Variants in POC1B observed in about 807,000 individuals in gnomAD.
The protein encoded by POC1B is POC1 centriolar protein homolog B.
A neutral mutation model predicts 60.6 loss-of-function variants in POC1B; 44 were observed. The ratio of observed to expected loss-of-function variants is 0.73; its 90% confidence interval spans 0.57 to 0.93. The LOEUF (loss-of-function observed/expected upper bound fraction) is 0.93. Ranked by LOEUF, POC1B falls within the 40% of genes least tolerant of loss-of-function variation. The pLI is 0.00. For missense variants in POC1B, 555 were observed against 572.3 expected (o/e 0.97, Z 0.31); for synonymous variants, 180 against 198.9 (o/e 0.90, Z 0.80).
At position 89,420,436 on chromosome 12, in the gene POC1B, C is replaced by G. The variant is rs1434575322; in HGVS notation, c.*717G>C. ...TTTGTGAACCATGATCAGATACAAC[C>G]CAAATCATTCATCTAGCACATTCAT... On this transcript the variant is annotated 3_prime_UTR_variant, in exon 12 of 12. Coordinates refer to ENST00000313546, the MANE Select transcript of POC1B (RefSeq NM_172240.3). 6.6e-6 allele frequency: 1 copy of G among 152,106 alleles called. No individual in the cohort carries two copies. The highest frequency in any genetic ancestry group is 2.4e-5 in the African/African-American group (1 of 41,412). The allele number at this position is 152,106 out of a possible 1,614,324, so 9.4% of individuals were successfully genotyped here.
intron 4 of POC1B, among the ~76,000 whole-genome samples, chr12:89,474,073 G>A (rs1349585754): frequency 1.3e-5 from 2 of 152,034 alleles, no homozygotes; most frequent in African/African-American, 4.8e-5. Flanking sequence ...GGGCATGGTG[G>A]CAGGTGCCTG....
At chr12:89,500,004 G>A (rs561135898) in intron 2 of POC1B, 101 of 887,954 alleles carry the variant, frequency 1.1e-4, no homozygotes, top group Non-Finnish European at 1.6e-4. Flanking sequence ...CTGGTAGTCC[G>A]GCGATTCATT....
intron 10 of POC1B, among the ~76,000 whole-genome samples, chr12:89,435,410 A>T (rs1481257859): frequency 1.3e-5 from 2 of 152,152 alleles, no homozygotes; most frequent in East Asian, 3.9e-4. Context: ...CAAACTCCTG[A>T]CCTAAGGTGA....
chr12:89,432,025 G>A (rs751519175), intron 10 of POC1B, among the ~76,000 whole-genome samples: 14 of 151,888 alleles, frequency 9.2e-5, no homozygotes, highest in Non-Finnish European at 1.8e-4. Context: ...CCCTCTTTCC[G>A]TATAAGGACC....
At chr12:89,506,467 GAAGAGGTTGAGGACACTT>G (rs1297382821) in intron 2 of POC1B, among the ~76,000 whole-genome samples, 1 of 152,182 alleles carries the variant, frequency 6.6e-6, no homozygotes, top group Non-Finnish European at 1.5e-5. Flanking sequence ...TACAGATAAA[GAAGAGGTTGAGGACACTT>G]AACGTTCAGA....
chr12:89,524,370 A>G, intron 2 of POC1B: 1 of 1,614,040 alleles, frequency 6.2e-7, no homozygotes, highest in African/African-American at 1.3e-5. Context: ...AAAGCGGTCG[A>G]GACAAATCCT....
chr12:89,499,524 A>T (rs987050648), intron 2 of POC1B, among the ~76,000 whole-genome samples: 1 of 152,158 alleles, frequency 6.6e-6, no homozygotes, highest in East Asian at 1.9e-4. Flanking sequence ...TTGAAAGAAA[A>T]AAAAAACCTG....
intron 10 of POC1B, among the ~76,000 whole-genome samples, chr12:89,442,035 T>C (rs571168511): frequency 1.1e-4 from 16 of 152,004 alleles, no homozygotes; most frequent in African/African-American, 3.1e-4. Flanking sequence ...ATGAATGAAA[T>C]GAAGCGAGAA....
rs148775641 is a variant in POC1B, at chr12:89,425,002, A to C, written c.1332+159T>G. Among the ~76,000 whole-genome samples, 544 of 152,222 alleles carry C rather than the reference A, an allele frequency of 3.6e-3. 2 individuals are homozygous for C. Among genetic ancestry groups the C allele is most frequent in the African/African-American group, 0.012 (510 of 41,544 alleles). ...ACACAAATGCATAGGCTCTGAGCTTATCTCTACAAGATCTTGTTTAGGGCA... is the reference window on the plus strand; with the variant it reads ...ACACAAATGCATAGGCTCTGAGCTTCTCTCTACAAGATCTTGTTTAGGGCA... On this transcript the variant is annotated intron_variant, in intron 11 of 11. Coordinates refer to ENST00000313546, the MANE Select transcript of POC1B (RefSeq NM_172240.3).
At chr12:89,451,479 T>C (rs959358224) in intron 10 of POC1B, among the ~76,000 whole-genome samples, 1 of 145,874 alleles carries the variant, frequency 6.9e-6, no homozygotes, top group African/African-American at 2.6e-5. Context: ...AAGTGATGAG[T>C]TGGTTGGTTG....
chr12:89,474,564 A>C (rs1270204355), intron 4 of POC1B, among the ~76,000 whole-genome samples: 1 of 152,192 alleles, frequency 6.6e-6, no homozygotes, highest in East Asian at 1.9e-4. Flanking sequence ...CCAGTAAAAC[A>C]GGTGCTACTG....
intron 4 of POC1B, among the ~76,000 whole-genome samples, chr12:89,475,498 A>T (rs989634471): frequency 4.6e-5 from 7 of 152,084 alleles, no homozygotes; most frequent in Admixed American, 2.0e-4. Flanking sequence ...TGAAAGTGAG[A>T]ATGATGATTT....
chr12:89,502,097 C>T (rs1006676735), intron 2 of POC1B: 9 of 1,138,820 alleles, frequency 7.9e-6, no homozygotes, highest in Admixed American at 3.4e-5. Flanking sequence ...ACATGTAATA[C>T]ACCAACAGAG....
chr12:89,518,764 G>A (rs1384170214), intron 2 of POC1B, among the ~76,000 whole-genome samples: 6 of 152,148 alleles, frequency 3.9e-5, no homozygotes, highest in Non-Finnish European at 8.8e-5. Context: ...AACACAGAGA[G>A]ATGAAGTGAT....
intron 10 of POC1B, 95 bp downstream of exon 10, chr12:89,459,543 A>C: frequency 1.5e-6 from 1 of 658,752 alleles, no homozygotes; most frequent in Non-Finnish European, 2.3e-6. Flanking sequence ...GCCACGTTTT[A>C]TCTCCTCCCC....
At chr12:89,499,013 C>T (rs971298412) in intron 2 of POC1B, among the ~76,000 whole-genome samples, 5 of 152,036 alleles carry the variant, frequency 3.3e-5, no homozygotes, top group African/African-American at 7.2e-5. Context: ...AAATAGGGAG[C>T]GATCCTGGCT....
chr12:89,495,898 A>T (rs1869222366), intron 3 of POC1B, among the ~76,000 whole-genome samples: 1 of 151,956 alleles, frequency 6.6e-6, no homozygotes, highest in South Asian at 2.1e-4. Context: ...AGTAGCTGGG[A>T]TTACAGGTGC....
chr12:89,501,264 G>T (rs1592631509), intron 2 of POC1B: 1 of 1,134,024 alleles, frequency 8.8e-7, no homozygotes, highest in East Asian at 2.3e-5. Flanking sequence ...GTTATGCTTT[G>T]ACAGGTGAAA....
At chr12:89,509,438 T>C (rs56271586) in intron 2 of POC1B, among the ~76,000 whole-genome samples, 12,130 of 152,174 alleles carry the variant, frequency 0.08, 690 homozygotes, top group Middle Eastern at 0.14. Flanking sequence ...CCTTTTTTTT[T>C]CCCCTCCAAA....
Sources: gnomAD v4.1 joint callset for allele counts (sites outside exome capture counted in the v4.1 genomes callset) on GRCh38, gnomAD v4.1.1 for gene constraint, MANE v1.5 for transcripts, NCBI Gene and HGNC (gene_info 2026-07-23, HGNC 2026-07-21) for gene names.